Variants in WWOX observed in about 807,000 individuals in gnomAD.
WWOX encodes WW domain containing oxidoreductase, also known as WW domain-containing oxidoreductase.
WWOX carries 69 observed loss-of-function variants against 46.2 expected under a neutral mutation model. The observed-to-expected ratio is 1.49, with a 90% CI of 1.23 to 1.82. The LOEUF (loss-of-function observed/expected upper bound fraction) is 1.82. WWOX is among the 40% of genes most tolerant of loss of function. The pLI is 0.00. For synonymous variants in WWOX, 359 were observed against 202.6 expected (o/e 1.77, Z -6.56); for missense variants, 919 against 542.6 (o/e 1.69, Z -6.89).
chr16:78,579,759 G>C (rs1254967818), intron 8 of WWOX, among the ~76,000 whole-genome samples: 2 of 152,116 alleles, frequency 1.3e-5, no homozygotes, highest in East Asian at 1.9e-4. Context: ...TGCCTTGCTA[G>C]GTAGTTGTGA....
intron 8 of WWOX, among the ~76,000 whole-genome samples, chr16:78,564,979 C>A (rs1257959652): frequency 6.6e-6 from 1 of 152,124 alleles, no homozygotes; most frequent in Admixed American, 6.5e-5. Context: ...ACGAAAACAA[C>A]ATCAAAGGAT....
At chr16:78,388,615 C>G (rs949392132) in intron 6 of WWOX, among the ~76,000 whole-genome samples, 1 of 133,604 alleles carries the variant, frequency 7.5e-6, no homozygotes, top group Non-Finnish European at 1.5e-5. Flanking sequence ...CCACTGCACT[C>G]CAGCCTGGCG....
At chr16:79,059,223 C>A (rs1359115885) in intron 8 of WWOX, among the ~76,000 whole-genome samples, 2 of 152,182 alleles carry the variant, frequency 1.3e-5, no homozygotes, top group Non-Finnish European at 2.9e-5. Flanking sequence ...TATGCTATTA[C>A]AGTTTGTTGT....
chr16:78,740,074 C>T (rs2049180587), intron 8 of WWOX, among the ~76,000 whole-genome samples: 1 of 152,140 alleles, frequency 6.6e-6, no homozygotes, highest in African/African-American at 2.4e-5. Flanking sequence ...GTCACCTTTG[C>T]CACCTGCCCT....
At chr16:78,160,584 A>G (rs952469380) in intron 4 of WWOX, among the ~76,000 whole-genome samples, 6 of 152,210 alleles carry the variant, frequency 3.9e-5, no homozygotes, top group African/African-American at 1.4e-4. Flanking sequence ...ATTTATACAT[A>G]TATTTCCAGA....
chr16:78,840,773 G>T (rs967671764), intron 8 of WWOX, among the ~76,000 whole-genome samples: 6 of 151,450 alleles, frequency 4.0e-5, no homozygotes, highest in South Asian at 2.1e-4. Flanking sequence ...TATATATGTG[G>T]TTTTTTCAAA....
chr16:79,105,872 CTT>C (rs1218107442), intron 8 of WWOX: 1 of 152,094 alleles, frequency 6.6e-6, no homozygotes, highest in East Asian at 1.9e-4. Flanking sequence ...GGGGTTTCAC[CTT>C]TTTACACAAG....
At position 78,457,874 on chromosome 16, in the gene WWOX, C is replaced by T. The variant is rs145333464; in HGVS notation, c.1056+25122C>T. On this transcript the variant is annotated intron_variant, in intron 8 of 8. Coordinates refer to ENST00000566780, the MANE Select transcript of WWOX (RefSeq NM_016373.4). ...GAGCTTTCAGTGAGCCAAGATCGCC[C>T]TACTGCACTCCAGCCTGAGCGTGAG... is the stretch of plus-strand genomic sequence containing the variant. 2.0e-3 allele frequency among the ~76,000 whole-genome samples: 288 copies of T among 145,300 alleles called. 2 individuals are homozygous for T. The highest frequency in any genetic ancestry group is 7.2e-3 in the African/African-American group (272 of 37,742).
At chr16:79,084,764 T>C (rs1275480327) in intron 8 of WWOX, among the ~76,000 whole-genome samples, 1 of 151,926 alleles carries the variant, frequency 6.6e-6, no homozygotes, top group Non-Finnish European at 1.5e-5. Context: ...TGACTCCTTG[T>C]TAGGGTTTGC....
chr16:78,819,925 C>T (rs2051446432), intron 8 of WWOX, among the ~76,000 whole-genome samples: 1 of 136,192 alleles, frequency 7.3e-6, no homozygotes, highest in South Asian at 2.3e-4. Context: ...TCATTATTTA[C>T]TTATTTATGT....
intron 8 of WWOX, among the ~76,000 whole-genome samples, chr16:78,583,029 G>T (rs2151591153): frequency 6.6e-6 from 1 of 152,334 alleles, no homozygotes; most frequent in Middle Eastern, 3.4e-3. Flanking sequence ...AGAGACCTAG[G>T]AATTCACAGA....
chr16:78,883,369 G>C (rs991490340), intron 8 of WWOX, among the ~76,000 whole-genome samples: 4 of 152,142 alleles, frequency 2.6e-5, no homozygotes, highest in African/African-American at 9.7e-5. Context: ...ACTGTAGTGG[G>C]AAACTCGTGA....
At chr16:78,439,077 A>G (rs186141962) in intron 8 of WWOX, among the ~76,000 whole-genome samples, 128 of 152,316 alleles carry the variant, frequency 8.4e-4, no homozygotes, top group Middle Eastern at 3.4e-3. Context: ...TGACTACACT[A>G]TAGATACTAT....
chr16:78,936,719 C>T (rs1030709380), intron 8 of WWOX, among the ~76,000 whole-genome samples: 2 of 152,042 alleles, frequency 1.3e-5, no homozygotes, highest in East Asian at 3.9e-4. Flanking sequence ...GCTCAGCAAT[C>T]ACAGTTTCCA....
intron 5 of WWOX, among the ~76,000 whole-genome samples, chr16:78,330,059 T>C (rs1000508415): frequency 2.6e-5 from 4 of 152,190 alleles, no homozygotes; most frequent in African/African-American, 9.7e-5. Flanking sequence ...GTGCTTTCTT[T>C]TTGTCTTTTT....
intron 8 of WWOX, among the ~76,000 whole-genome samples, chr16:78,832,683 C>G (rs2051864752): frequency 6.6e-6 from 1 of 151,974 alleles, no homozygotes; most frequent in African/African-American, 2.4e-5. Flanking sequence ...CTGTGGTGGC[C>G]CTCTCAGGAG....
At chr16:78,169,814 G>A (rs992162991) in intron 5 of WWOX, among the ~76,000 whole-genome samples, 1 of 152,084 alleles carries the variant, frequency 6.6e-6, no homozygotes, top group African/African-American at 2.4e-5. Context: ...GATTGAGAGA[G>A]AGGAGAGGGA....
intron 8 of WWOX, among the ~76,000 whole-genome samples, chr16:79,023,072 A>G (rs1460214031): frequency 6.6e-6 from 1 of 152,102 alleles, no homozygotes; most frequent in Non-Finnish European, 1.5e-5. Flanking sequence ...ACCTACAATA[A>G]CCACAATATA....
At chr16:78,902,436 G>A (rs951320056) in intron 8 of WWOX, among the ~76,000 whole-genome samples, 1 of 152,226 alleles carries the variant, frequency 6.6e-6, no homozygotes, top group African/African-American at 2.4e-5. Context: ...CACGCGGGGC[G>A]GGCGGGAGAG....
Sources: allele counts gnomAD v4.1 joint callset (sites outside exome capture counted in the v4.1 genomes callset), GRCh38; gene constraint gnomAD v4.1.1; transcripts MANE v1.5; gene names NCBI Gene and HGNC (gene_info 2026-07-23, HGNC 2026-07-21).